Variants in SH3RF3 observed in about 807,000 individuals in gnomAD.
SH3RF3 encodes E3 ubiquitin-protein ligase SH3RF3.
In SH3RF3, 29 loss-of-function variants were observed where a neutral mutation model predicts 66.3. The ratio of observed to expected loss-of-function variants is 0.44; its 90% CI spans 0.33 to 0.60. The LOEUF is 0.60. SH3RF3 is among the 20% of genes least tolerant of loss of function. SH3RF3 has a pLI of 0.04. For synonymous variants in SH3RF3, 583 were observed against 532.0 expected, an observed-to-expected ratio of 1.10 and a Z score of -1.32; for missense variants, 1,194 against 1,190.9, an observed-to-expected ratio of 1.00 and a Z score of -0.04.
intron 1 of SH3RF3, among the ~76,000 whole-genome samples, chr2:109,152,811 G>A (rs995099287): frequency 4.6e-5 from 7 of 152,158 alleles, no homozygotes; most frequent in South Asian, 2.1e-4. Flanking sequence ...GCCTATCACC[G>A]TCTCTCACAT....
intron 5 of SH3RF3, among the ~76,000 whole-genome samples, chr2:109,427,347 GTATAAA>G (rs1193321551): frequency 2.6e-4 from 40 of 152,194 alleles, no homozygotes; most frequent in African/African-American, 9.7e-4. Flanking sequence ...CTACTGTATA[GTATAAA>G]TATAATTTTT....
intron 1 of SH3RF3, among the ~76,000 whole-genome samples, chr2:109,337,615 T>C (rs537194223): frequency 4.8e-4 from 73 of 152,204 alleles, no homozygotes; most frequent in African/African-American, 1.1e-3. Flanking sequence ...CCATCCTCCA[T>C]TGGTGGAATA....
intron 1 of SH3RF3, among the ~76,000 whole-genome samples, chr2:109,130,708 GC>G (rs1676673080): frequency 6.6e-6 from 1 of 152,188 alleles, no homozygotes; most frequent in African/African-American, 2.4e-5. Flanking sequence ...CTAACCAGAA[GC>G]CAAGGTCTTC....
intron 3 of SH3RF3, among the ~76,000 whole-genome samples, chr2:109,391,866 G>C (rs11695700): frequency 6.6e-6 from 1 of 151,740 alleles, no homozygotes; most frequent in African/African-American, 2.4e-5. Context: ...TTAAGACAGG[G>C]TCTTACTCTG....
In SH3RF3 at chr2:109,244,209, C is replaced by T. The variant is rs1476361257; in HGVS notation, c.574-103465C>T. Among the ~76,000 whole-genome samples the T allele has an allele frequency of 3.3e-5, 5 of 152,052 alleles. No homozygotes were observed. In the South Asian group the frequency reaches 8.3e-4, roughly 25 times the overall value. ...GACTGCAAAACAATGGATTCTAATCCGAGCTGGAGATAAAACATGACGGGG... is the reference window on the plus strand; with the variant it reads ...GACTGCAAAACAATGGATTCTAATCTGAGCTGGAGATAAAACATGACGGGG... On this transcript the variant is annotated intron_variant, in intron 1 of 9. Transcript: ENST00000309415.
At position 109,393,962 on chromosome 2, in the gene SH3RF3, G is replaced by C. The variant is rs537313843; in HGVS notation, c.946-4628G>C. On this transcript the variant is annotated intron_variant, in intron 3 of 9. Coordinates refer to ENST00000309415, the MANE Select transcript of SH3RF3 (RefSeq NM_001099289.3). Reference sequence around the variant, plus strand: ...ACTCTGGCGCTGTCGTGGACCCAGCGCTGAAATTCCAGGGCTGGCCGCACC... The same window carrying C: ...ACTCTGGCGCTGTCGTGGACCCAGCCCTGAAATTCCAGGGCTGGCCGCACC... Among the ~76,000 whole-genome samples, 615 of 152,114 alleles carry C rather than the reference G, an allele frequency of 4.0e-3. 1 individual carries two copies. The highest frequency in any genetic ancestry group is 0.014 in the African/African-American group (598 of 41,498).
chr2:109,318,401 G>T (rs1681937415), intron 1 of SH3RF3, among the ~76,000 whole-genome samples: 1 of 152,106 alleles, frequency 6.6e-6, no homozygotes, highest in Non-Finnish European at 1.5e-5. Context: ...AAATGCCGCC[G>T]AGCGCCAGAA....
intron 1 of SH3RF3, among the ~76,000 whole-genome samples, chr2:109,229,191 A>G (rs1388600091): frequency 6.6e-6 from 1 of 152,188 alleles, no homozygotes; most frequent in African/African-American, 2.4e-5. Flanking sequence ...CAAAGACCAA[A>G]TATGTATTTT....
chr2:109,491,624 C>T (rs555577383), intron 9 of SH3RF3, among the ~76,000 whole-genome samples: 1 of 152,154 alleles, frequency 6.6e-6, no homozygotes, highest in African/African-American at 2.4e-5. Context: ...GGGCTAGAGG[C>T]GTACCTGGCT....
chr2:109,170,443 T>G (rs1275770471), intron 1 of SH3RF3, among the ~76,000 whole-genome samples: 1 of 152,056 alleles, frequency 6.6e-6, no homozygotes, highest in Non-Finnish European at 1.5e-5. Flanking sequence ...CCTCCCGGGT[T>G]CAAGTGATTC....
chr2:109,229,887 C>T (rs1679463252), intron 1 of SH3RF3, among the ~76,000 whole-genome samples: 1 of 148,220 alleles, frequency 6.7e-6, no homozygotes, highest in Non-Finnish European at 1.5e-5. Context: ...TGCAGTGGCG[C>T]AATCTTGGCT....
chr2:109,430,064 C>T (rs1677150555), intron 5 of SH3RF3, among the ~76,000 whole-genome samples: 1 of 152,208 alleles, frequency 6.6e-6, no homozygotes, highest in African/African-American at 2.4e-5. Context: ...GAGCTGTGGT[C>T]AGCAGCTAGG....
chr2:109,377,513 A>G (rs760401033), intron 3 of SH3RF3, among the ~76,000 whole-genome samples: 1 of 152,242 alleles, frequency 6.6e-6, no homozygotes, highest in East Asian at 1.9e-4. Flanking sequence ...GTCTGCTGTC[A>G]GGATGCTTGT....
chr2:109,372,012 C>T (rs541016661), intron 3 of SH3RF3, among the ~76,000 whole-genome samples: 55 of 152,328 alleles, frequency 3.6e-4, no homozygotes, highest in African/African-American at 1.3e-3. Flanking sequence ...CCAACTCCCC[C>T]AAGTGCTGCT....
At position 109,406,654 on chromosome 2, in the gene SH3RF3, A is replaced by G. The variant is rs576333870; in HGVS notation, c.1299+7711A>G. Among the ~76,000 whole-genome samples, 34 of 152,312 alleles carry G rather than the reference A, an allele frequency of 2.2e-4. No individual in the cohort carries two copies. In the South Asian group the frequency reaches 2.5e-3, roughly 11 times the overall value. On this transcript the variant is annotated intron_variant, in intron 4 of 9. Coordinates refer to ENST00000309415, the MANE Select transcript of SH3RF3 (RefSeq NM_001099289.3). ...TATCATCCGCAGCTGTTTTTAGGCCATAACAGAGATATTGAGGCGTTCTGA... is the reference window on the plus strand; with the variant it reads ...TATCATCCGCAGCTGTTTTTAGGCCGTAACAGAGATATTGAGGCGTTCTGA...
intron 1 of SH3RF3, among the ~76,000 whole-genome samples, chr2:109,215,929 C>T (rs1356052656): frequency 1.3e-5 from 2 of 152,194 alleles, no homozygotes; most frequent in Non-Finnish European, 2.9e-5. Context: ...AACTGGGCTT[C>T]TACCGTGCCA....
At chr2:109,487,623 T>C in intron 8 of SH3RF3, among the ~76,000 whole-genome samples, 1 of 152,156 alleles carries the variant, frequency 6.6e-6, no homozygotes, top group East Asian at 1.9e-4. Context: ...ACAGCTAAGG[T>C]TGGGCCTGAC....
chr2:109,368,915 C>CCT (rs1683203943), intron 2 of SH3RF3, among the ~76,000 whole-genome samples: 4 of 151,046 alleles, frequency 2.6e-5, no homozygotes, highest in African/African-American at 9.8e-5. Context: ...CTGATCTGAG[C>CCT]TGGGCCAATC....
intron 1 of SH3RF3, among the ~76,000 whole-genome samples, chr2:109,204,467 G>A (rs1678759111): frequency 6.6e-6 from 1 of 152,170 alleles, no homozygotes; most frequent in Non-Finnish European, 1.5e-5. Flanking sequence ...TTCACTTGTG[G>A]CTTTTGTTAT....
Sources: gnomAD v4.1 joint callset for allele counts (sites outside exome capture counted in the v4.1 genomes callset) on GRCh38, gnomAD v4.1.1 for gene constraint, MANE v1.5 for transcripts, NCBI Gene and HGNC (gene_info 2026-07-23, HGNC 2026-07-21) for gene names.